PLCB1: variants seen among roughly 807,000 people sequenced by gnomAD.
PLCB1 encodes 1-phosphatidylinositol 4,5-bisphosphate phosphodiesterase beta-1.
A neutral mutation model predicts 161.8 loss-of-function variants in PLCB1; 46 were observed. The observed-to-expected ratio is 0.28, with a 90% confidence interval of 0.22 to 0.36. The LOEUF (loss-of-function observed/expected upper bound fraction) is 0.36. Ranked by LOEUF, PLCB1 falls within the 10% of genes least tolerant of loss-of-function variation. PLCB1 has a pLI of 1.00. For synonymous variants in PLCB1, 517 were observed against 503.7 expected, an observed-to-expected ratio of 1.03 and a Z score of -0.35; for missense variants, 1,016 against 1,472.5, an observed-to-expected ratio of 0.69 and a Z score of 5.07.
chr20:8,223,312 G>C lies in PLCB1; in HGVS notation c.177+72941G>C, dbSNP rs79552402. Among the ~76,000 whole-genome samples the C allele has an allele frequency of 2.0e-3, 312 of 152,224 alleles. 2 individuals carry two copies. The highest frequency in any genetic ancestry group is 7.2e-3 in the African/African-American group (299 of 41,542). On this transcript the variant is annotated intron_variant, in intron 2 of 31. Coordinates refer to ENST00000338037, the MANE Select transcript of PLCB1 (RefSeq NM_015192.4). Reference sequence around the variant, plus strand: ...TTAGAACAGTCTGTAAGATCACTCTGTCCTGAGTAAGACTTGAAGACTCAT... The same window carrying C: ...TTAGAACAGTCTGTAAGATCACTCTCTCCTGAGTAAGACTTGAAGACTCAT...
At chr20:8,284,165 A>C (rs1308870733) in intron 2 of PLCB1, among the ~76,000 whole-genome samples, 2 of 152,032 alleles carry the variant, frequency 1.3e-5, no homozygotes, top group Non-Finnish European at 2.9e-5. Flanking sequence ...GCTTACTGCT[A>C]GTCTTTTCTT....
At chr20:8,872,536 T>A (rs921603963) in intron 31 of PLCB1, among the ~76,000 whole-genome samples, 2 of 152,300 alleles carry the variant, frequency 1.3e-5, no homozygotes, top group South Asian at 4.2e-4. Context: ...AGTCCTGCCC[T>A]TGGTTGCCGA....
intron 2 of PLCB1, among the ~76,000 whole-genome samples, chr20:8,216,149 G>T (rs1979110723): frequency 6.6e-6 from 1 of 152,092 alleles, no homozygotes; most frequent in Non-Finnish European, 1.5e-5. Flanking sequence ...CACAGTTGAA[G>T]AACTGCCATA....
chr20:8,577,924 C>T (rs189404775), intron 3 of PLCB1, among the ~76,000 whole-genome samples: 210 of 152,262 alleles, frequency 1.4e-3, no homozygotes, highest in Non-Finnish European at 2.4e-3. Context: ...TGGGTCTGTG[C>T]GTGTGAGCTG....
At chr20:8,852,303 A>C (rs189932279) in intron 31 of PLCB1, among the ~76,000 whole-genome samples, 2 of 152,232 alleles carry the variant, frequency 1.3e-5, no homozygotes, top group African/African-American at 4.8e-5. Context: ...GCTGTGTTAC[A>C]AAGTGTTCCT....
At chr20:8,164,642 A>G (rs577352419) in intron 2 of PLCB1, among the ~76,000 whole-genome samples, 1 of 152,346 alleles carries the variant, frequency 6.6e-6, no homozygotes, top group East Asian at 1.9e-4. Context: ...TTGTGGGGAA[A>G]GAAACTTTCC....
intron 3 of PLCB1, among the ~76,000 whole-genome samples, chr20:8,558,837 T>C (rs886301303): frequency 6.6e-6 from 1 of 151,874 alleles, no homozygotes; most frequent in African/African-American, 2.4e-5. Context: ...ATTGTATACC[T>C]GGCAAAATTA....
intron 3 of PLCB1, among the ~76,000 whole-genome samples, chr20:8,503,563 A>G (rs909043568): frequency 6.6e-6 from 1 of 152,080 alleles, no homozygotes; most frequent in Non-Finnish European, 1.5e-5. Flanking sequence ...TTCCCTTCCT[A>G]TTAAACCCTA....
chr20:8,369,468 C>T (rs1239382730), intron 2 of PLCB1, among the ~76,000 whole-genome samples: 2 of 152,160 alleles, frequency 1.3e-5, no homozygotes, highest in African/African-American at 4.8e-5. Flanking sequence ...GCTTGACTTA[C>T]TCATGTCTGG....
chr20:8,338,372 T>A (rs1361489065), intron 2 of PLCB1, among the ~76,000 whole-genome samples: 2 of 152,170 alleles, frequency 1.3e-5, no homozygotes, highest in Non-Finnish European at 2.9e-5. Flanking sequence ...GGGAGGAATG[T>A]CTTTTCATCG....
intron 2 of PLCB1, among the ~76,000 whole-genome samples, chr20:8,191,459 C>T (rs1004538674): frequency 2.6e-5 from 4 of 151,908 alleles, no homozygotes; most frequent in African/African-American, 7.3e-5. Flanking sequence ...AAGTTGCAGA[C>T]AGGATAGCCC....
chr20:8,644,929 C>G (rs111903345), intron 4 of PLCB1, among the ~76,000 whole-genome samples: 8,674 of 152,184 alleles, frequency 0.057, 784 homozygotes, highest in African/African-American at 0.19. Flanking sequence ...GATGGTTGCC[C>G]TGTCTGTGTA....
intron 23 of PLCB1, among the ~76,000 whole-genome samples, chr20:8,753,591 C>T (rs537450117): frequency 1.8e-4 from 27 of 152,178 alleles, no homozygotes; most frequent in Non-Finnish European, 3.5e-4. Flanking sequence ...ACAGTCCTGT[C>T]ACTTCAGCAT....
intron 2 of PLCB1, among the ~76,000 whole-genome samples, chr20:8,218,699 A>G (rs1191376159): frequency 6.6e-6 from 1 of 151,870 alleles, no homozygotes; most frequent in Non-Finnish European, 1.5e-5. Context: ...AGCATGAATT[A>G]GTCGGTCTCA....
intron 1 of PLCB1, among the ~76,000 whole-genome samples, chr20:8,140,029 G>A (rs559618475): frequency 5.9e-5 from 9 of 152,342 alleles, no homozygotes; most frequent in Non-Finnish European, 1.3e-4. Flanking sequence ...GGGACTTTCT[G>A]TAATAGTTCT....
chr20:8,166,614 G>A (rs1325529947), intron 2 of PLCB1, among the ~76,000 whole-genome samples: 1 of 152,046 alleles, frequency 6.6e-6, no homozygotes, highest in Non-Finnish European at 1.5e-5. Context: ...TTCCAAGATT[G>A]GTATCATGTT....
chr20:8,734,798 A>T (rs1286625273), intron 19 of PLCB1, among the ~76,000 whole-genome samples: 1 of 151,042 alleles, frequency 6.6e-6, no homozygotes, highest in Non-Finnish European at 1.5e-5. Context: ...GAACTAAGAA[A>T]TTTTTTTACT....
intron 9 of PLCB1, among the ~76,000 whole-genome samples, chr20:8,684,098 A>C (rs566235112): frequency 3.9e-5 from 6 of 151,932 alleles, no homozygotes; most frequent in Non-Finnish European, 8.8e-5. Flanking sequence ...GTTAGCCAGG[A>C]TGGTCTCGAT....
chr20:8,320,038 C>T (rs151235976), intron 2 of PLCB1, among the ~76,000 whole-genome samples: 8 of 151,840 alleles, frequency 5.3e-5, no homozygotes, highest in East Asian at 1.9e-4. Flanking sequence ...GTGTTTAGCA[C>T]GAGGTTTTGG....
Sources: gnomAD v4.1 joint callset for allele counts (sites outside exome capture counted in the v4.1 genomes callset) on GRCh38, gnomAD v4.1.1 for gene constraint, MANE v1.5 for transcripts, NCBI Gene and HGNC (gene_info 2026-07-23, HGNC 2026-07-21) for gene names.